The following COPG2 variants were observed in gnomAD, a reference collection of about 807,000 sequenced individuals.
The protein encoded by COPG2 is coatomer subunit gamma-2.
A neutral mutation model predicts 46.3 loss-of-function variants in COPG2; 37 were observed. The ratio of observed to expected loss-of-function variants is 0.80; its 90% CI spans 0.61 to 1.05. The LOEUF is 1.05. Ranked by LOEUF, COPG2 falls within the 50% of genes least tolerant of loss-of-function variation. COPG2 has a pLI of 0.00. For missense variants in COPG2, 427 were observed against 387.8 expected (o/e 1.10, Z -0.85); for synonymous variants, 159 against 129.7 (o/e 1.23, Z -1.53).
chr7:130,650,739 T>G (rs1795720805), intron 5 of COPG2, among the ~76,000 whole-genome samples: 1 of 152,200 alleles, frequency 6.6e-6, no homozygotes, highest in Non-Finnish European at 1.5e-5. Context: ...TGGGAAAAGA[T>G]ATTAGATTCC....
At chr7:130,639,543 G>A (rs1284056679) in intron 5 of COPG2, among the ~76,000 whole-genome samples, 1 of 152,156 alleles carries the variant, frequency 6.6e-6, no homozygotes, top group Non-Finnish European at 1.5e-5. Context: ...ATTGTATCCT[G>A]CATATTTTGA....
chr7:130,550,122 G>C (rs1793512328), intron 17 of COPG2, among the ~76,000 whole-genome samples: 1 of 152,060 alleles, frequency 6.6e-6, no homozygotes, highest in African/African-American at 2.4e-5. Context: ...TAGAAGGGGT[G>C]ACAATCGGCT....
intron 5 of COPG2, among the ~76,000 whole-genome samples, chr7:130,618,729 C>T (rs1240357694): frequency 6.6e-6 from 1 of 152,056 alleles, no homozygotes; most frequent in Non-Finnish European, 1.5e-5. Flanking sequence ...AAAACAAAGG[C>T]TGATACTATT....
At chr7:130,531,321 G>C (rs1452509978) in intron 20 of COPG2, among the ~76,000 whole-genome samples, 2 of 152,026 alleles carry the variant, frequency 1.3e-5, no homozygotes, top group Non-Finnish European at 2.9e-5. Flanking sequence ...CTGAATCCAG[G>C]GAAAAAAGAA....
At chr7:130,513,338 T>TAA in intron 20 of COPG2, among the ~76,000 whole-genome samples, 1 of 70,282 alleles carries the variant, frequency 1.4e-5, no homozygotes, top group South Asian at 4.7e-4. Context: ...TATATATATA[T>TAA]ATATGTGTGT....
intron 5 of COPG2, among the ~76,000 whole-genome samples, chr7:130,636,078 T>G (rs781918125): frequency 6.6e-6 from 1 of 152,222 alleles, no homozygotes; most frequent in African/African-American, 2.4e-5. Context: ...CTGTTTCTTA[T>G]GATTTCTGTT....
chr7:130,551,551 CAA>C (rs1793534716), intron 15 of COPG2, among the ~76,000 whole-genome samples: 1 of 152,206 alleles, frequency 6.6e-6, no homozygotes, highest in Non-Finnish European at 1.5e-5. Flanking sequence ...CTGTGAATCA[CAA>C]GCACTACATA....
At chr7:130,547,578 A>C in intron 20 of COPG2, 96 bp downstream of exon 20, 1 of 398,260 alleles carries the variant, frequency 2.5e-6, no homozygotes, top group Non-Finnish European at 4.4e-6. Context: ...ATTCTAGAAA[A>C]GCATCACATT....
intron 5 of COPG2, among the ~76,000 whole-genome samples, chr7:130,623,830 T>C (rs868941410): frequency 8.6e-5 from 13 of 151,994 alleles, no homozygotes; most frequent in African/African-American, 3.1e-4. Context: ...AGGAAAAAAA[T>C]TGAAAAATAA....
intron 20 of COPG2, among the ~76,000 whole-genome samples, chr7:130,523,098 G>A (rs1228681094): frequency 2.6e-4 from 25 of 97,002 alleles, no homozygotes; most frequent in East Asian, 2.2e-3. Flanking sequence ...AGCCTTGGGC[G>A]ACAGAGTGAA....
chr7:130,663,315 A>T (rs1187002974), intron 3 of COPG2, among the ~76,000 whole-genome samples: 1 of 151,842 alleles, frequency 6.6e-6, no homozygotes, highest in Non-Finnish European at 1.5e-5. Context: ...AAAGTATCTG[A>T]AATTTTCCTG....
Position 130,550,532 on chromosome 7 carries a change from TGTTCAAA to T in COPG2, c.1759_1765del (p.Phe587ArgfsTer34). Reference sequence around the variant, plus strand: ...AAATGAATAGAGTGAACCTGCTTTCTGTTCAAAGACAGGAGCCATAGCAAGAGGAATT... The same window carrying T: ...AAATGAATAGAGTGAACCTGCTTTCTGACAGGAGCCATAGCAAGAGGAATT... On this transcript the variant is annotated frameshift_variant, in exon 17 of 24. Transcript: ENST00000425248. LOFTEE classifies it high-confidence loss of function. 2 of 397,796 alleles carry T rather than the reference TGTTCAAA, an allele frequency of 5.0e-6. No individual in the cohort carries two copies. Among genetic ancestry groups the T allele is most frequent in the Non-Finnish European group, 8.9e-6 (2 of 225,642 alleles). 24.6% of individuals were successfully genotyped at this position (397,796 alleles called of 1,614,324 possible). A position where few individuals can be genotyped will look rare whatever the true frequency, so the allele number is the denominator to read the frequency against.
At chr7:130,519,708 A>G (rs1341076767) in intron 20 of COPG2, among the ~76,000 whole-genome samples, 14 of 152,254 alleles carry the variant, frequency 9.2e-5, no homozygotes, top group Non-Finnish European at 2.1e-4. Context: ...ACTTAAGCCA[A>G]AGCTCATGAT....
chr7:130,654,137 G>C (rs1554459554), intron 4 of COPG2, among the ~76,000 whole-genome samples: 2 of 152,194 alleles, frequency 1.3e-5, no homozygotes. Context: ...CCACCAAAAT[G>C]GTGAAAATTC....
At chr7:130,569,354 T>G (rs1793855873) in intron 9 of COPG2, among the ~76,000 whole-genome samples, 2 of 152,046 alleles carry the variant, frequency 1.3e-5, no homozygotes, top group South Asian at 2.1e-4. Flanking sequence ...TAAGCTCAAT[T>G]AAAAAGGAAT....
At chr7:130,607,566 T>C in intron 9 of COPG2, 1 of 431,176 alleles carries the variant, frequency 2.3e-6, no homozygotes, top group South Asian at 1.7e-5. Flanking sequence ...AATTCTCCAT[T>C]CAATTCTTTT....
chr7:130,540,777 CCATAG>C (rs1799927537), intron 20 of COPG2, among the ~76,000 whole-genome samples: 1 of 151,992 alleles, frequency 6.6e-6, no homozygotes, highest in Admixed American at 6.6e-5. Context: ...AGGTGGCCAT[CCATAG>C]CAGTGATTCT....
chr7:130,640,982 G>A (rs1349042451), intron 5 of COPG2, among the ~76,000 whole-genome samples: 1 of 151,712 alleles, frequency 6.6e-6, no homozygotes, highest in Non-Finnish European at 1.5e-5. Flanking sequence ...GAAAAACTAT[G>A]CAAATAATTA....
intron 5 of COPG2, among the ~76,000 whole-genome samples, chr7:130,647,799 C>T (rs1014017221): frequency 1.3e-5 from 2 of 150,166 alleles, no homozygotes; most frequent in African/African-American, 2.5e-5. Flanking sequence ...GGCATGATCT[C>T]GGCTCACCAC....
Sources: allele counts gnomAD v4.1 joint callset (sites outside exome capture counted in the v4.1 genomes callset), GRCh38; gene constraint gnomAD v4.1.1; transcripts MANE v1.5; gene names NCBI Gene and HGNC (gene_info 2026-07-23, HGNC 2026-07-21).